The following DHCR7 variants were observed in gnomAD, a reference collection of about 807,000 sequenced individuals.
DHCR7 encodes the protein 7-dehydrocholesterol reductase.
In DHCR7, 40 loss-of-function variants were observed where a neutral mutation model predicts 43.3. That is an observed-to-expected ratio of 0.92 (90% CI 0.72 to 1.20). The LOEUF is 1.20. Among genes scored for constraint, DHCR7 ranks in the 50% most tolerant of loss-of-function variants. The probability of loss-of-function intolerance (pLI) is 0.00; values close to 1 mark genes in which losing one functional copy is unlikely to be tolerated. For synonymous variants in DHCR7, 298 were observed against 271.4 expected (o/e 1.10, Z -0.96); for missense variants, 608 against 644.6 (o/e 0.94, Z 0.62).
At chr11:71,431,283 T>A (rs1949226527), downstream of DHCR7, among the ~76,000 whole-genome samples, 1 of 152,196 alleles carries the variant, frequency 6.6e-6, no homozygotes. Context: ...CAGAGGGAAG[T>A]GCACCAAACA....
chr11:71,443,095 C>T lies in DHCR7; in HGVS notation c.322-742G>A, dbSNP rs185547354. Among the ~76,000 whole-genome samples the T allele has an allele frequency of 8.0e-3, 1,214 of 152,328 alleles. 21 individuals are homozygous for T. The highest frequency in any genetic ancestry group is 0.028 in the African/African-American group (1,146 of 41,566). ...GGCTTCTCTCGCTCAGCAGTGTCTT[C>T]AAGGGTCATCCGCCTACTGGCATCA... On this transcript the variant is annotated intron_variant, in intron 4 of 8. Transcript: ENST00000355527.
At chr11:71,447,238 T>A (rs1357025398) in intron 2 of DHCR7, among the ~76,000 whole-genome samples, 1 of 152,132 alleles carries the variant, frequency 6.6e-6, no homozygotes, top group East Asian at 1.9e-4. Context: ...TGTAAAACAC[T>A]GGGAAATTGC....
chr11:71,429,646 C>T (rs578150173), downstream of DHCR7, among the ~76,000 whole-genome samples: 3 of 152,188 alleles, frequency 2.0e-5, no homozygotes, highest in Admixed American at 1.3e-4. Flanking sequence ...GGGGTGAAGT[C>T]GAGTAACCTT....
In DHCR7 at chr11:71,435,579, G is replaced by C; in HGVS notation, c.1224C>G (p.Tyr408Ter). ...GFWGVARHFNYVGDLMGSLAY... is the reference protein window; with the variant it reads ...GFWGVARHFN ...CCAGGCTGCCCATCAGGTCGCCGAC[G>C]TAGTTGAAGTGGCGGGCCACGCCCC... The change falls in exon 9 of 9, where the codon TAC becomes TAG. Residue 408 changes from tyrosine to a stop codon, truncating the protein, a stop_gained. Transcript: ENST00000355527. LOFTEE classifies it high-confidence loss of function. 1 of 1,611,280 alleles carries C rather than the reference G, an allele frequency of 6.2e-7. No individual in the cohort carries two copies. The highest frequency in any genetic ancestry group is 8.5e-7 in the Non-Finnish European group (1 of 1,179,882).
At chr11:71,444,420 A>C (rs200647672) in intron 3 of DHCR7, among the ~76,000 whole-genome samples, 1 of 151,916 alleles carries the variant, frequency 6.6e-6, no homozygotes, top group East Asian at 1.9e-4. Context: ...AACTGGTGGC[A>C]CTATCTGTGG....
chr11:71,443,229 C>T (rs1211359598), intron 4 of DHCR7, among the ~76,000 whole-genome samples: 1 of 152,174 alleles, frequency 6.6e-6, no homozygotes, highest in African/African-American at 2.4e-5. Flanking sequence ...TGCTTTGTGG[C>T]TATTTGTGAT....
downstream of DHCR7, among the ~76,000 whole-genome samples, chr11:71,432,131 CTTTA>C (rs1565583014): frequency 3.9e-5 from 6 of 152,178 alleles, no homozygotes; most frequent in African/African-American, 1.2e-4. Context: ...CAGCAGAAAA[CTTTA>C]TTATCTACCA....
chr11:71,446,662 C>T (rs1949407170), intron 2 of DHCR7, among the ~76,000 whole-genome samples: 1 of 152,220 alleles, frequency 6.6e-6, no homozygotes, highest in Non-Finnish European at 1.5e-5. Flanking sequence ...AATTCACACA[C>T]ATTTAAAAAA....
At chr11:71,431,260 G>A, downstream of DHCR7, among the ~76,000 whole-genome samples, 1 of 152,188 alleles carries the variant, frequency 6.6e-6, no homozygotes, top group Non-Finnish European at 1.5e-5. Context: ...ATAGGTGAAG[G>A]GTGGGGATCC....
chr11:71,433,479 C>G (rs564600386), downstream of DHCR7, among the ~76,000 whole-genome samples: 2 of 152,376 alleles, frequency 1.3e-5, no homozygotes, highest in East Asian at 3.9e-4. Flanking sequence ...AAGCTAACCT[C>G]AGCCAATTCA....
At chr11:71,444,789 C>T in intron 3 of DHCR7, 66 bp downstream of exon 3, 2 of 1,471,468 alleles carry the variant, frequency 1.4e-6, no homozygotes, top group Admixed American at 3.3e-5. Flanking sequence ...CCATACAATT[C>T]CAAAGGCTGG....
rs760241 is a variant in DHCR7, at chr11:71,435,645, A to G, written c.1158T>C (p.Asp386=). 0.91 allele frequency: 1,472,673 copies of G among 1,612,582 alleles called. 679,833 individuals are homozygous for G. Among genetic ancestry groups the G allele is most frequent in the Non-Finnish European group, 0.96 (1,130,972 of 1,179,924 alleles). ...GCAGCTTGCTGTGGTGCCTCTGCCC[A>G]TCGGCGGATGTGTAGGAGCACTCGA... ...KVIECSYTSA[D]GQRHHSKLLV... Residue 386 remains aspartate, a synonymous_variant, in exon 9 of 9, where the codon GAT becomes GAC. Coordinates refer to ENST00000355527, the MANE Select transcript of DHCR7 (RefSeq NM_001360.3).
chr11:71,438,972 G>A lies in DHCR7; in HGVS notation c.738C>T (p.Val246=), dbSNP rs536834609. ...AGGACAGGTTGATGAGGGTCCAGGCGACGATCCCGGGGCGCCCATTGAAGA... is the reference window on the plus strand; with the variant it reads ...AGGACAGGTTGATGAGGGTCCAGGCAACGATCCCGGGGCGCCCATTGAAGA... The part of the protein sequence containing the change: ...KLFFNGRPGI[V]AWTLINLSFA... The change falls in exon 7 of 9, where the codon GTC becomes GTT. Residue 246 remains valine, a synonymous_variant. Transcript: ENST00000355527. 9 of 1,614,054 alleles carry A rather than the reference G, an allele frequency of 5.6e-6. No individual in the cohort carries two copies. The highest frequency in any genetic ancestry group is 1.3e-5 in the African/African-American group (1 of 75,070).
chr11:71,439,519 G>A (rs577285432), intron 6 of DHCR7, among the ~76,000 whole-genome samples: 1 of 152,336 alleles, frequency 6.6e-6, no homozygotes, highest in South Asian at 2.1e-4. Flanking sequence ...AGGGCACGTG[G>A]GCCCTCATGG....
At position 71,435,395 on chromosome 11, in the gene DHCR7, G is replaced by A. The variant is rs1323783706; in HGVS notation, c.1408C>T (p.Leu470=). 6.2e-7 allele frequency: 1 copy of A among 1,612,438 alleles called. No individual in the cohort carries two copies. Among genetic ancestry groups the A allele is most frequent in the Non-Finnish European group, 8.5e-7 (1 of 1,180,004 alleles). ...TGCCCTTAGAAGATTCCAGGCAGCAGGCGGTAAGGCACTGCGGCGGTGTAG... is the reference window on the plus strand; with the variant it reads ...TGCCCTTAGAAGATTCCAGGCAGCAAGCGGTAAGGCACTGCGGCGGTGTAG... ...ERYTAAVPYR[L]LPGIF Residue 470 remains leucine, a synonymous_variant, in exon 9 of 9, where the codon CTG becomes TTG. Transcript: ENST00000355527.
chr11:71,433,983 T>C (rs929593746), downstream of DHCR7, among the ~76,000 whole-genome samples: 1 of 152,216 alleles, frequency 6.6e-6, no homozygotes, highest in Non-Finnish European at 1.5e-5. Context: ...GGCCTGGCTG[T>C]GGGACCAGTT....
downstream of DHCR7, among the ~76,000 whole-genome samples, chr11:71,428,031 C>T (rs532049437): frequency 6.6e-6 from 1 of 152,308 alleles, no homozygotes; most frequent in Admixed American, 6.5e-5. Flanking sequence ...TTCCCAGATG[C>T]CACTCAAGGG....
Position 71,435,171 on chromosome 11 carries a change from T to A in DHCR7, c.*204A>T, listed in dbSNP as rs1374115399. On this transcript the variant is annotated 3_prime_UTR_variant, in exon 9 of 9. Transcript: ENST00000355527. ...TCCGTCTGTGCTGGCAATACGGCAG[T>A]GCTGGACACTCGGAATTCCCTTGAA... is the stretch of plus-strand genomic sequence containing the variant. 1.4e-6 allele frequency: 1 copy of A among 706,024 alleles called. No homozygotes were observed. Among genetic ancestry groups the A allele is most frequent in the African/African-American group, 1.7e-5 (1 of 57,358 alleles). 43.7% of individuals were successfully genotyped at this position (706,024 alleles called of 1,614,324 possible).
downstream of DHCR7, among the ~76,000 whole-genome samples, chr11:71,433,849 A>G (rs1790346): frequency 0.86 from 130,752 of 152,256 alleles, 57,123 homozygotes; most frequent in Non-Finnish European, 0.96. Context: ...GCACAGATGC[A>G]CGGGACCCCT....
Sources: gnomAD v4.1 joint callset for allele counts (sites outside exome capture counted in the v4.1 genomes callset) on GRCh38, gnomAD v4.1.1 for gene constraint, MANE v1.5 for transcripts, NCBI Gene and HGNC (gene_info 2026-07-23, HGNC 2026-07-21) for gene names.